Variants in GRID2 observed in about 807,000 individuals in gnomAD.
GRID2 encodes the protein glutamate receptor ionotropic, delta-2.
GRID2 carries 33 observed loss-of-function variants against 114.8 expected under a neutral mutation model. The ratio of observed to expected loss-of-function variants is 0.29; its 90% CI spans 0.22 to 0.38. GRID2 has a LOEUF of 0.38. Among genes scored for constraint, GRID2 ranks in the 10% least tolerant of loss-of-function variants. GRID2 has a pLI of 1.00. For missense variants in GRID2, 1,184 were observed against 1,257.7 expected (o/e 0.94, Z 0.89); for synonymous variants, 505 against 449.9 (o/e 1.12, Z -1.55).
chr4:92,975,329 G>T (rs1224532143), intron 2 of GRID2, among the ~76,000 whole-genome samples: 1 of 151,464 alleles, frequency 6.6e-6, no homozygotes, highest in Non-Finnish European at 1.5e-5. Flanking sequence ...CTGTTATAAT[G>T]GGATACTTCT....
At chr4:93,538,553 G>A (rs566673077) in intron 13 of GRID2, among the ~76,000 whole-genome samples, 8 of 151,656 alleles carry the variant, frequency 5.3e-5, no homozygotes, top group South Asian at 4.2e-4. Context: ...AAAAGAGTAC[G>A]GAACAGGAAA....
intron 13 of GRID2, among the ~76,000 whole-genome samples, chr4:93,609,116 A>G (rs1180279871): frequency 9.2e-6 from 1 of 108,496 alleles, no homozygotes; most frequent in Non-Finnish European, 2.0e-5. Context: ...TCTTCTTTTG[A>G]GAAGTGTCTG....
intron 1 of GRID2, among the ~76,000 whole-genome samples, chr4:92,584,896 G>C (rs1283162738): frequency 6.6e-6 from 1 of 151,958 alleles, no homozygotes; most frequent in Admixed American, 6.6e-5. Flanking sequence ...CATTTAAAAT[G>C]TTTGCACTAC....
intron 2 of GRID2, among the ~76,000 whole-genome samples, chr4:92,959,607 A>T (rs1190321934): frequency 6.6e-6 from 1 of 152,074 alleles, no homozygotes; most frequent in Admixed American, 6.6e-5. Context: ...AACCAACCCA[A>T]ATGCCCATCA....
At chr4:93,252,403 C>A (rs1561046140) in intron 8 of GRID2, among the ~76,000 whole-genome samples, 1 of 119,298 alleles carries the variant, frequency 8.4e-6, no homozygotes, top group African/African-American at 3.3e-5. Flanking sequence ...TTTCTAGGTT[C>A]TCTATTCTGT....
intron 4 of GRID2, among the ~76,000 whole-genome samples, chr4:93,140,714 T>A (rs1735696296): frequency 6.6e-6 from 1 of 152,230 alleles, no homozygotes; most frequent in South Asian, 2.1e-4. Flanking sequence ...TCTTCTCTGA[T>A]ACTAACTTTG....
At chr4:93,121,623 T>A (rs1239497994) in intron 4 of GRID2, among the ~76,000 whole-genome samples, 1 of 152,200 alleles carries the variant, frequency 6.6e-6, no homozygotes, top group East Asian at 1.9e-4. Context: ...TTTTTGGATA[T>A]GTCTGTAGTT....
intron 10 of GRID2, among the ~76,000 whole-genome samples, chr4:93,433,413 C>G (rs912600751): frequency 6.6e-5 from 10 of 152,038 alleles, no homozygotes; most frequent in African/African-American, 2.2e-4. Flanking sequence ...TAAAACAAAA[C>G]AAAACAAGAA....
chr4:92,609,293 A>G (rs1454053949), intron 2 of GRID2, among the ~76,000 whole-genome samples: 2 of 151,702 alleles, frequency 1.3e-5, no homozygotes, highest in Admixed American at 1.3e-4. Flanking sequence ...TGTAACAAAT[A>G]TTTATCGAGT....
intron 2 of GRID2, among the ~76,000 whole-genome samples, chr4:92,721,586 C>T (rs1735811966): frequency 1.3e-5 from 2 of 151,950 alleles, no homozygotes; most frequent in Non-Finnish European, 2.9e-5. Context: ...ACTTTTCAAA[C>T]CATCTAAATC....
intron 13 of GRID2, among the ~76,000 whole-genome samples, chr4:93,521,046 A>C (rs190163146): frequency 1.1e-4 from 17 of 152,272 alleles, no homozygotes; most frequent in Admixed American, 1.1e-3. Flanking sequence ...AAATTTAAAC[A>C]TATTTTGAAG....
intron 4 of GRID2, among the ~76,000 whole-genome samples, chr4:93,151,856 T>G (rs1357329487): frequency 6.6e-6 from 1 of 152,150 alleles, no homozygotes; most frequent in Non-Finnish European, 1.5e-5. Context: ...TGTGTCTCGA[T>G]GCACAGTAAA....
intron 2 of GRID2, among the ~76,000 whole-genome samples, chr4:92,968,982 A>C (rs1427173584): frequency 6.6e-6 from 1 of 151,806 alleles, no homozygotes; most frequent in Admixed American, 6.6e-5. Context: ...CATGTGTTCA[A>C]AAATAAGGCT....
intron 2 of GRID2, among the ~76,000 whole-genome samples, chr4:92,824,126 G>C (rs1741498588): frequency 6.6e-6 from 1 of 152,098 alleles, no homozygotes; most frequent in Non-Finnish European, 1.5e-5. Context: ...CAGGTGAACA[G>C]GAATGTTAGG....
At position 93,673,748 on chromosome 4, in the gene GRID2, G is replaced by A. The variant is rs1240084229; in HGVS notation, c.2360+47313G>A. 3.9e-5 allele frequency among the ~76,000 whole-genome samples: 6 copies of A among 152,220 alleles called. No individual in the cohort carries two copies. The East Asian group carries it at 1.2e-3, about 29-fold the overall frequency. ...CTTAGACATTCTAATCTTTTATTAA[G>A]CACTGTCCCCAGGGGTTGTAAACTC... On this transcript the variant is annotated intron_variant, in intron 14 of 15. Transcript: ENST00000282020.
At chr4:93,081,507 T>C (rs1729867224) in intron 2 of GRID2, among the ~76,000 whole-genome samples, 1 of 152,128 alleles carries the variant, frequency 6.6e-6, no homozygotes, top group African/African-American at 2.4e-5. Flanking sequence ...GCAATTGCTA[T>C]TAAAAATAAT....
chr4:93,373,802 C>T (rs111413590), intron 8 of GRID2, among the ~76,000 whole-genome samples: 1,877 of 152,282 alleles, frequency 0.012, 43 homozygotes, highest in African/African-American at 0.043. Context: ...TCACTGAAAT[C>T]ATTTTTGTTG....
chr4:92,752,636 T>C (rs562233266), intron 2 of GRID2, among the ~76,000 whole-genome samples: 6 of 152,324 alleles, frequency 3.9e-5, no homozygotes, highest in East Asian at 1.9e-4. Context: ...ATTTTGATAT[T>C]CCTCTGATAA....
At chr4:92,363,539 A>G (rs929780805) in intron 1 of GRID2, among the ~76,000 whole-genome samples, 33 of 152,084 alleles carry the variant, frequency 2.2e-4, no homozygotes, top group African/African-American at 8.0e-4. Flanking sequence ...TGAAAGGATT[A>G]TTAAACTATG....
Sources: gnomAD v4.1 joint callset for allele counts (sites outside exome capture counted in the v4.1 genomes callset) on GRCh38, gnomAD v4.1.1 for gene constraint, MANE v1.5 for transcripts, NCBI Gene and HGNC (gene_info 2026-07-23, HGNC 2026-07-21) for gene names.